Variants in CSMD1 observed in about 807,000 individuals in gnomAD.
The protein encoded by CSMD1 is CUB and sushi domain-containing protein 1.
In CSMD1, 213 loss-of-function variants were observed where a neutral mutation model predicts 417.5. That is an observed-to-expected ratio of 0.51 (90% CI 0.46 to 0.57). The LOEUF (loss-of-function observed/expected upper bound fraction) is 0.57. Ranked by LOEUF, CSMD1 falls within the 20% of genes least tolerant of loss-of-function variation. The probability of loss-of-function intolerance (pLI) is 0.00; values close to 1 mark genes in which losing one functional copy is unlikely to be tolerated. For synonymous variants in CSMD1, 2,862 were observed against 1,736.8 expected (o/e 1.65, Z -16.11); for missense variants, 6,923 against 4,529.7 (o/e 1.53, Z -15.17).
chr8:4,006,269 G>C (rs17068516), intron 4 of CSMD1, among the ~76,000 whole-genome samples: 15,386 of 152,232 alleles, frequency 0.1, 913 homozygotes, highest in East Asian at 0.2. Context: ...ACAGGATCAT[G>C]ACTCTGGAAT....
chr8:4,359,512 A>T (rs559486087), intron 3 of CSMD1, among the ~76,000 whole-genome samples: 2 of 152,158 alleles, frequency 1.3e-5, no homozygotes, highest in Non-Finnish European at 2.9e-5. Context: ...GACTTCCCCA[A>T]CCTTGCAAAT....
chr8:4,074,638 A>C (rs1799728225), intron 3 of CSMD1, among the ~76,000 whole-genome samples: 1 of 152,106 alleles, frequency 6.6e-6, no homozygotes, highest in Non-Finnish European at 1.5e-5. Context: ...CTCACTTTTA[A>C]TGTGAAATAT....
intron 1 of CSMD1, among the ~76,000 whole-genome samples, chr8:4,931,272 T>A (rs149082753): frequency 6.9e-4 from 105 of 152,352 alleles, no homozygotes; most frequent in Middle Eastern, 6.8e-3. Context: ...TGTTTGACAT[T>A]ACTTTTGTTC....
At position 3,874,872 on chromosome 8, in the gene CSMD1, G is replaced by A. The variant is rs114392623; in HGVS notation, c.819-120830C>T. Among the ~76,000 whole-genome samples, 528 of 152,192 alleles carry A rather than the reference G, an allele frequency of 3.5e-3. 4 individuals are homozygous for A. The highest frequency in any genetic ancestry group is 0.012 in the African/African-American group (494 of 41,524). ...ACCCATTAAGAAAACGGCAAAGGGT[G>A]GTGAGATCCACTGCGATGCTGCGCA... On this transcript the variant is annotated intron_variant, in intron 5 of 69. Transcript: ENST00000635120.
chr8:3,370,115 G>A (rs35454060), intron 18 of CSMD1, among the ~76,000 whole-genome samples: 28,961 of 152,102 alleles, frequency 0.19, 3,154 homozygotes, highest in South Asian at 0.31. Flanking sequence ...AGTTGCTAAC[G>A]GGAATTCAAT....
At position 3,230,215 on chromosome 8, in the gene CSMD1, G is replaced by C. The variant is rs1282024252; in HGVS notation, c.4170C>G (p.Thr1390=). 6.3e-7 allele frequency: 1 copy of C among 1,592,582 alleles called. No individual in the cohort carries two copies. Among genetic ancestry groups the C allele is most frequent in the Non-Finnish European group, 8.6e-7 (1 of 1,169,228 alleles). The change falls in exon 27 of 70, where the codon ACC becomes ACG. Residue 1390 remains threonine (T), a synonymous_variant. Transcript: ENST00000635120. The part of the protein sequence containing the change: ...SIQFSTSIAA[T]CNDPGMPQNG... ...TTTGGGGCATACCTGGATCGTTACAGGTGGCTGCAATTGAGGCTGCAAACA... is the reference window on the plus strand; with the variant it reads ...TTTGGGGCATACCTGGATCGTTACACGTGGCTGCAATTGAGGCTGCAAACA...
intron 26 of CSMD1, among the ~76,000 whole-genome samples, chr8:3,250,272 T>C (rs1384335959): frequency 6.6e-6 from 1 of 152,164 alleles, no homozygotes; most frequent in Non-Finnish European, 1.5e-5. Context: ...TGTGTACTCA[T>C]TGTTCAATTC....
intron 49 of CSMD1, among the ~76,000 whole-genome samples, chr8:3,077,878 C>G (rs1316945465): frequency 1.3e-5 from 2 of 152,230 alleles, no homozygotes; most frequent in Non-Finnish European, 2.9e-5. Flanking sequence ...ACTGTCTTTA[C>G]TCCTCTTTGC....
At position 3,931,319 on chromosome 8, in the gene CSMD1, C is replaced by G. The variant is rs902057128; in HGVS notation, c.818+66584G>C. Among the ~76,000 whole-genome samples the G allele has an allele frequency of 5.3e-5, 8 of 150,378 alleles. No homozygotes were observed. In the East Asian group the frequency reaches 1.2e-3, roughly 22 times the overall value. On this transcript the variant is annotated intron_variant, in intron 5 of 69. Transcript: ENST00000635120. ...AATTTTCAAATAAAATATTTAAGAA[C>G]TAGAAGTCAGCAGAAAAGGGCCACT...
chr8:4,311,682 C>G (rs1423469418), intron 3 of CSMD1, among the ~76,000 whole-genome samples: 1 of 148,080 alleles, frequency 6.8e-6, no homozygotes, highest in African/African-American at 2.5e-5. Context: ...GAGATTGTGC[C>G]ACAGCACTCC....
At chr8:4,697,031 G>T (rs991180606) in intron 1 of CSMD1, among the ~76,000 whole-genome samples, 3 of 152,032 alleles carry the variant, frequency 2.0e-5, no homozygotes, top group East Asian at 1.9e-4. Flanking sequence ...AATTATCTGG[G>T]CGTGGTGGTG....
At chr8:4,778,967 G>A (rs945482595) in intron 1 of CSMD1, among the ~76,000 whole-genome samples, 2 of 152,184 alleles carry the variant, frequency 1.3e-5, no homozygotes, top group Non-Finnish European at 2.9e-5. Context: ...TGTTAAGAAT[G>A]TTTAGAAAGA....
At chr8:4,599,636 T>G (rs1440591185) in intron 2 of CSMD1, among the ~76,000 whole-genome samples, 2 of 152,178 alleles carry the variant, frequency 1.3e-5, no homozygotes. Context: ...ATTTAATTAT[T>G]TTAGACATTT....
At position 3,774,211 on chromosome 8, in the gene CSMD1, C is replaced by T. The variant is rs185890444; in HGVS notation, c.819-20169G>A. The stretch of plus-strand genomic sequence containing the variant: ...TGACCCTTCAACCTTATAATTTTCT[C>T]TTATCCAACAACTTTTGGCTCAAAT... On this transcript the variant is annotated intron_variant, in intron 5 of 69. Transcript: ENST00000635120. Among the ~76,000 whole-genome samples the T allele has an allele frequency of 2.6e-5, 4 of 152,290 alleles. No individual in the cohort carries two copies. The East Asian group carries it at 5.8e-4, about 22-fold the overall frequency.
At chr8:4,518,519 A>G (rs1298220319) in intron 2 of CSMD1, among the ~76,000 whole-genome samples, 2 of 151,614 alleles carry the variant, frequency 1.3e-5, no homozygotes, top group Non-Finnish European at 1.5e-5. Flanking sequence ...CGCAAGGACA[A>G]AAAACCAAAC....
At chr8:3,544,491 T>C (rs756652465) in intron 10 of CSMD1, among the ~76,000 whole-genome samples, 24 of 152,108 alleles carry the variant, frequency 1.6e-4, no homozygotes, top group African/African-American at 2.9e-4. Flanking sequence ...TCTTTCCCAG[T>C]TGACGTTCTG....
intron 3 of CSMD1, among the ~76,000 whole-genome samples, chr8:4,169,279 G>A (rs776867213): frequency 5.3e-5 from 8 of 152,086 alleles, no homozygotes; most frequent in Non-Finnish European, 8.8e-5. Context: ...CAATCTTCCT[G>A]AGCTCAAAAG....
At chr8:3,955,224 T>C (rs1811861592) in intron 5 of CSMD1, among the ~76,000 whole-genome samples, 1 of 152,116 alleles carries the variant, frequency 6.6e-6, no homozygotes, top group African/African-American at 2.4e-5. Context: ...CTCTCTCTCC[T>C]GTGAGAGGCC....
intron 41 of CSMD1, chr8:3,128,445 A>C (rs1481479744): frequency 6.2e-6 from 1 of 161,794 alleles, no homozygotes; most frequent in Non-Finnish European, 1.4e-5. Flanking sequence ...GACAAACTTT[A>C]AGAATAAGGT....
Sources: gnomAD v4.1 joint callset for allele counts (sites outside exome capture counted in the v4.1 genomes callset) on GRCh38, gnomAD v4.1.1 for gene constraint, MANE v1.5 for transcripts, NCBI Gene and HGNC (gene_info 2026-07-23, HGNC 2026-07-21) for gene names.